Variants in SHISAL1 observed in about 807,000 individuals in gnomAD.
SHISAL1 encodes the protein protein shisa-like-1.
SHISAL1 carries 9 observed loss-of-function variants against 22.6 expected under a neutral mutation model. The ratio of observed to expected loss-of-function variants is 0.40; its 90% CI spans 0.24 to 0.70. The LOEUF (loss-of-function observed/expected upper bound fraction) is 0.70, where lower values mean the gene tolerates loss of function less well. Ranked by LOEUF, SHISAL1 falls within the 30% of genes least tolerant of loss-of-function variation. The pLI, the probability that SHISAL1 is intolerant of heterozygous loss-of-function variation, is 0.39. For synonymous variants in SHISAL1, 119 were observed against 115.4 expected, an observed-to-expected ratio of 1.03 and a Z score of -0.20; for missense variants, 246 against 270.6, an observed-to-expected ratio of 0.91 and a Z score of 0.64.
At chr22:44,305,492 C>T (rs7511423) in intron 1 of SHISAL1, among the ~76,000 whole-genome samples, 10,737 of 152,302 alleles carry the variant, frequency 0.07, 650 homozygotes, top group East Asian at 0.16. Flanking sequence ...CAGAGATGAA[C>T]GCACACTGCA....
chr22:44,314,059 T>C (rs1280965532), upstream of SHISAL1, among the ~76,000 whole-genome samples: 1 of 151,806 alleles, frequency 6.6e-6, no homozygotes, highest in African/African-American at 2.4e-5. Flanking sequence ...TCTTCATGAT[T>C]AGGAGGGGCT....
chr22:44,277,449 CAAACAAAACA>C (rs59568852), intron 4 of SHISAL1, among the ~76,000 whole-genome samples: 29 of 150,598 alleles, frequency 1.9e-4, no homozygotes, highest in South Asian at 4.3e-4. Context: ...ACTCTGCCTC[CAAACAAAACA>C]AAACAAAACA....
chr22:44,263,079 CTTTT>C (rs922017518), intron 4 of SHISAL1, among the ~76,000 whole-genome samples: 64 of 88,272 alleles, frequency 7.3e-4, no homozygotes, highest in African/African-American at 2.3e-3. Flanking sequence ...TTCTTTCTTT[CTTTT>C]TTTTTTTTTT....
upstream of SHISAL1, among the ~76,000 whole-genome samples, chr22:44,315,877 C>G (rs567762625): frequency 6.6e-6 from 1 of 152,050 alleles, no homozygotes; most frequent in African/African-American, 2.4e-5. Context: ...AGCAGTTCCC[C>G]GGCCTCAGGT....
chr22:44,326,745 G>A, the SHISAL1 span, among the ~76,000 whole-genome samples: 1 of 152,126 alleles, frequency 6.6e-6, no homozygotes, highest in Non-Finnish European at 1.5e-5. Flanking sequence ...GGCTGTCGAT[G>A]TAAACGCCCT....
At chr22:44,276,525 G>T (rs1317678788) in intron 4 of SHISAL1, among the ~76,000 whole-genome samples, 1 of 129,934 alleles carries the variant, frequency 7.7e-6, no homozygotes, top group Non-Finnish European at 1.5e-5. Flanking sequence ...ATCCTGGCCA[G>T]AGAAGATGGA....
At chr22:44,313,562 G>A (rs1029124113), upstream of SHISAL1, among the ~76,000 whole-genome samples, 39 of 152,202 alleles carry the variant, frequency 2.6e-4, no homozygotes, top group Admixed American at 1.3e-4. Flanking sequence ...GGAACAGGGC[G>A]GGGGATGCCC....
chr22:44,259,722 A>C (rs2055109205), intron 4 of SHISAL1, among the ~76,000 whole-genome samples: 1 of 152,182 alleles, frequency 6.6e-6, no homozygotes, highest in South Asian at 2.1e-4. Context: ...GAGATGACCC[A>C]AGGTTCTGCT....
chr22:44,298,888 C>T (rs569726428), intron 2 of SHISAL1, among the ~76,000 whole-genome samples: 70 of 152,352 alleles, frequency 4.6e-4, no homozygotes, highest in Admixed American at 2.9e-3. Flanking sequence ...CATTTGGTAA[C>T]GATGAAGCCT....
chr22:44,248,196 A>G lies in SHISAL1; in HGVS notation c.*1489T>C, dbSNP rs2055019687. On this transcript the variant is annotated 3_prime_UTR_variant, in exon 5 of 5. Transcript: ENST00000381176. The stretch of plus-strand genomic sequence containing the variant: ...GTCTTCCTGCCCCAGCTAGAAAGCT[A>G]GCACAGTGAGCAGGGACCTGCCTTG... 1 of 152,252 alleles carries G rather than the reference A, an allele frequency of 6.6e-6. No homozygotes were observed. 9.4% of individuals were successfully genotyped at this position (152,252 alleles called of 1,614,324 possible).
At chr22:44,290,769 C>G (rs1000678585) in intron 3 of SHISAL1, among the ~76,000 whole-genome samples, 2 of 152,142 alleles carry the variant, frequency 1.3e-5, no homozygotes, top group African/African-American at 4.8e-5. Flanking sequence ...AAGTGTGAGG[C>G]TGTGAGATAA....
In SHISAL1 at chr22:44,243,857, G is replaced by C. The variant is rs1458717927; in HGVS notation, c.*5828C>G. ...TTATCAGCTCTCAGGGAGACCCCAT[G>C]CCTGCTCACATGAAGTCAGAGTTTA... On this transcript the variant is annotated 3_prime_UTR_variant, in exon 5 of 5. Transcript: ENST00000381176. 1.3e-5 allele frequency: 2 copies of C among 152,204 alleles called. No individual in the cohort carries two copies. Among genetic ancestry groups the C allele is most frequent in the African/African-American group, 4.8e-5 (2 of 41,440 alleles). 9.4% of individuals were successfully genotyped at this position (152,204 alleles called of 1,614,324 possible).
rs2054992422 is a variant in SHISAL1, at chr22:44,245,555, T to C, written c.*4130A>G. ...CCCCCGGGGACCCCGTCTCCTTGAA[T>C]GGCACAGTCTCTAATAGACAGACAT... On this transcript the variant is annotated 3_prime_UTR_variant, in exon 5 of 5. Coordinates refer to ENST00000381176, the MANE Select transcript of SHISAL1 (RefSeq NM_001099294.2). The C allele has an allele frequency of 6.6e-6, 1 of 152,250 alleles. No homozygotes were observed. Among genetic ancestry groups the C allele is most frequent in the Admixed American group, 6.5e-5 (1 of 15,286 alleles). 9.4% of individuals were successfully genotyped at this position (152,250 alleles called of 1,614,324 possible).
At chr22:44,273,967 T>C (rs1285190859) in intron 4 of SHISAL1, among the ~76,000 whole-genome samples, 1 of 152,150 alleles carries the variant, frequency 6.6e-6, no homozygotes, top group Non-Finnish European at 1.5e-5. Flanking sequence ...CCTGTAGTTC[T>C]AGCACTTTGG....
At chr22:44,294,895 T>C (rs1388283310) in intron 3 of SHISAL1, among the ~76,000 whole-genome samples, 1 of 152,166 alleles carries the variant, frequency 6.6e-6, no homozygotes. Context: ...AAAATATATG[T>C]CTAATATCTA....
At chr22:44,329,309 C>T in the SHISAL1 span, among the ~76,000 whole-genome samples, 10 of 152,222 alleles carry the variant, frequency 6.6e-5, no homozygotes, top group South Asian at 2.1e-4. Flanking sequence ...GGGCAGGTCC[C>T]GCTCGCTTTC....
chr22:44,325,414 T>C, the SHISAL1 span, among the ~76,000 whole-genome samples: 1 of 152,176 alleles, frequency 6.6e-6, no homozygotes, highest in Admixed American at 6.5e-5. Flanking sequence ...AGCCCCAGCA[T>C]GGGCATCACC....
intron 4 of SHISAL1, among the ~76,000 whole-genome samples, chr22:44,254,008 G>T (rs983717462): frequency 3.3e-5 from 5 of 151,880 alleles, no homozygotes; most frequent in African/African-American, 1.2e-4. Context: ...TACTAATAAT[G>T]AAACCACAGA....
At chr22:44,270,895 C>G (rs765624445) in intron 4 of SHISAL1, among the ~76,000 whole-genome samples, 2 of 152,200 alleles carry the variant, frequency 1.3e-5, no homozygotes, top group Non-Finnish European at 2.9e-5. Flanking sequence ...GGCAACAGAA[C>G]CACGTAGCAC....
Sources: gnomAD v4.1 joint callset for allele counts (sites outside exome capture counted in the v4.1 genomes callset) on GRCh38, gnomAD v4.1.1 for gene constraint, MANE v1.5 for transcripts, NCBI Gene and HGNC (gene_info 2026-07-23, HGNC 2026-07-21) for gene names.